AFG2A: variants seen among roughly 807,000 people sequenced by gnomAD.
AFG2A encodes ATPase family gene 2 protein homolog A.
At chr4:123,270,532 T>G in the AFG2A span, among the ~76,000 whole-genome samples, 1 of 152,198 alleles carries the variant, frequency 6.6e-6, no homozygotes, top group Non-Finnish European at 1.5e-5. Flanking sequence ...CATCAAGGAA[T>G]TTAGGTGCAT....
chr4:123,219,370 G>A, the AFG2A span, among the ~76,000 whole-genome samples: 1 of 152,198 alleles, frequency 6.6e-6, no homozygotes. Context: ...CTGCATTGAA[G>A]GGTATTGCTT....
the AFG2A span, among the ~76,000 whole-genome samples, chr4:123,311,399 G>A: frequency 6.6e-6 from 1 of 151,954 alleles, no homozygotes; most frequent in East Asian, 1.9e-4. Context: ...AGGCCAAGGC[G>A]GGCGGATCAC....
At chr4:123,026,218 G>C in the AFG2A span, among the ~76,000 whole-genome samples, 1 of 151,994 alleles carries the variant, frequency 6.6e-6, no homozygotes, top group Non-Finnish European at 1.5e-5. Flanking sequence ...CCTCAGACCA[G>C]GAAATGTGTC....
At chr4:123,293,082 C>T in the AFG2A span, among the ~76,000 whole-genome samples, 3 of 152,126 alleles carry the variant, frequency 2.0e-5, no homozygotes, top group Admixed American at 6.6e-5. Context: ...TCAGATCAGA[C>T]GAGGCACTTC....
the AFG2A span, among the ~76,000 whole-genome samples, chr4:123,083,451 TATA>T: frequency 6.6e-6 from 1 of 152,144 alleles, no homozygotes; most frequent in Non-Finnish European, 1.5e-5. Context: ...AATTAATTGA[TATA>T]ATGTTACATC....
At chr4:123,002,738 T>A in the AFG2A span, among the ~76,000 whole-genome samples, 1,837 of 151,294 alleles carry the variant, frequency 0.012, 40 homozygotes, top group African/African-American at 0.042. Context: ...GCCCTTAACA[T>A]TTTTTCCTTC....
chr4:123,054,196 G>T, the AFG2A span, among the ~76,000 whole-genome samples: 1 of 152,210 alleles, frequency 6.6e-6, no homozygotes, highest in East Asian at 1.9e-4. Context: ...GGGCTTGAAT[G>T]CAAAAGCAAG....
the AFG2A span, among the ~76,000 whole-genome samples, chr4:123,213,464 A>T: frequency 6.6e-6 from 1 of 152,150 alleles, no homozygotes; most frequent in South Asian, 2.1e-4. Flanking sequence ...ATTTAAGTAA[A>T]AGAGGACACT....
At chr4:123,109,785 C>CGAA in the AFG2A span, among the ~76,000 whole-genome samples, 1 of 152,040 alleles carries the variant, frequency 6.6e-6, no homozygotes, top group African/African-American at 2.4e-5. Context: ...GCATTTTTGT[C>CGAA]TATTTTGAGC....
chr4:123,277,654 A>G, the AFG2A span, among the ~76,000 whole-genome samples: 2 of 152,212 alleles, frequency 1.3e-5, no homozygotes, highest in African/African-American at 4.8e-5. Flanking sequence ...TGTTCCTTCC[A>G]TGCCTGGTTT....
the AFG2A span, among the ~76,000 whole-genome samples, chr4:123,311,699 G>A: frequency 6.7e-6 from 1 of 149,802 alleles, no homozygotes; most frequent in African/African-American, 2.5e-5. Flanking sequence ...GAAAGTAAGT[G>A]ATTCTGCAAA....
chr4:123,260,458 T>A, the AFG2A span, among the ~76,000 whole-genome samples: 1 of 152,254 alleles, frequency 6.6e-6, no homozygotes, highest in African/African-American at 2.4e-5. Context: ...AGAAGGGTCC[T>A]ATTCACTATG....
the AFG2A span, among the ~76,000 whole-genome samples, chr4:122,959,036 T>C: frequency 1.3e-5 from 2 of 152,168 alleles, no homozygotes; most frequent in Admixed American, 1.3e-4. Context: ...TCCTGCTGAT[T>C]CCTGTAGGTC....
chr4:122,941,228 T>G, the AFG2A span, among the ~76,000 whole-genome samples: 21 of 151,950 alleles, frequency 1.4e-4, no homozygotes, highest in Admixed American at 9.2e-4. Context: ...TTGGGCAGTG[T>G]GGCCATTTTC....
the AFG2A span, among the ~76,000 whole-genome samples, chr4:123,103,006 C>T: frequency 6.6e-6 from 1 of 151,964 alleles, no homozygotes; most frequent in Non-Finnish European, 1.5e-5. Flanking sequence ...AAAAAATGAA[C>T]CTTCATACAT....
chr4:123,160,018 T>G, the AFG2A span, among the ~76,000 whole-genome samples: 4 of 151,672 alleles, frequency 2.6e-5, no homozygotes. Flanking sequence ...ATCTTGTCTT[T>G]TTGTTGTTGT....
At chr4:123,276,855 C>G in the AFG2A span, among the ~76,000 whole-genome samples, 2 of 152,038 alleles carry the variant, frequency 1.3e-5, no homozygotes, top group African/African-American at 4.8e-5. Flanking sequence ...TGTTTTTGTA[C>G]CAGTATCGTG....
the AFG2A span, among the ~76,000 whole-genome samples, chr4:123,188,438 G>A: frequency 8.5e-5 from 13 of 152,114 alleles, no homozygotes; most frequent in Admixed American, 7.9e-4. Context: ...CATTTCTGCA[G>A]TGTACCCTAA....
the AFG2A span, among the ~76,000 whole-genome samples, chr4:123,153,774 G>A: frequency 6.6e-6 from 1 of 151,776 alleles, no homozygotes; most frequent in African/African-American, 2.4e-5. Context: ...GAAAACCAGT[G>A]ATAAAAAGAA....
Sources: allele counts gnomAD v4.1 joint callset (sites outside exome capture counted in the v4.1 genomes callset), GRCh38; gene constraint gnomAD v4.1.1; transcripts MANE v1.5; gene names NCBI Gene and HGNC (gene_info 2026-07-23, HGNC 2026-07-21).